Variants in HGSNAT observed in about 807,000 individuals in gnomAD.
HGSNAT encodes heparan-alpha-glucosaminide N-acetyltransferase.
In HGSNAT, 59 loss-of-function variants were observed where a neutral mutation model predicts 85.2. The ratio of observed to expected loss-of-function variants is 0.69; its 90% CI spans 0.56 to 0.86. HGSNAT has a LOEUF of 0.86. Ranked by LOEUF, HGSNAT falls within the 40% of genes least tolerant of loss-of-function variation. The pLI is 0.00. For missense variants in HGSNAT, 756 were observed against 777.1 expected (o/e 0.97, Z 0.32); for synonymous variants, 321 against 304.5 (o/e 1.05, Z -0.56).
chr8:43,161,675 G>A (rs1317778093), intron 5 of HGSNAT, among the ~76,000 whole-genome samples, 168 bp downstream of exon 5: 1 of 152,190 alleles, frequency 6.6e-6, no homozygotes, highest in Non-Finnish European at 1.5e-5. Context: ...AGACTAAGAC[G>A]TGGTCTCTGA....
chr8:43,161,413 A>C (rs768569201), intron 4 of HGSNAT, 25 bp from the exon 5 acceptor site: 1 of 1,595,768 alleles, frequency 6.3e-7, no homozygotes, highest in Non-Finnish European at 8.6e-7. Flanking sequence ...TTTGGGGGCT[A>C]ATGTGTTTTC....
intron 5 of HGSNAT, among the ~76,000 whole-genome samples, chr8:43,168,215 A>G (rs372815206): frequency 8.6e-5 from 13 of 151,782 alleles, no homozygotes; most frequent in East Asian, 7.8e-4. Flanking sequence ...CACCGCGCCC[A>G]GCCTGGATCA....
At chr8:43,160,233 T>G (rs1803228161) in intron 4 of HGSNAT, among the ~76,000 whole-genome samples, 1 of 152,188 alleles carries the variant, frequency 6.6e-6, no homozygotes, top group Non-Finnish European at 1.5e-5. Flanking sequence ...TAATTCAGGG[T>G]AACCAAAGAT....
chr8:43,191,968 G>T (rs546909690), intron 12 of HGSNAT, among the ~76,000 whole-genome samples: 6 of 151,634 alleles, frequency 4.0e-5, no homozygotes, highest in Non-Finnish European at 7.4e-5. Context: ...TTGCTCTGTC[G>T]CCCAGGCAGG....
intron 2 of HGSNAT, among the ~76,000 whole-genome samples, chr8:43,149,042 G>A (rs539460253): frequency 6.6e-6 from 1 of 151,966 alleles, no homozygotes; most frequent in East Asian, 1.9e-4. Flanking sequence ...TTTAACCCCG[G>A]GAGGCAGAGG....
intron 11 of HGSNAT, among the ~76,000 whole-genome samples, chr8:43,186,540 A>G (rs1203285378): frequency 6.7e-6 from 1 of 149,924 alleles, no homozygotes; most frequent in Non-Finnish European, 1.5e-5. Flanking sequence ...TTTCTTCTTT[A>G]TTAGTCTTGC....
At chr8:43,172,755 A>G (rs945101651) in intron 8 of HGSNAT, among the ~76,000 whole-genome samples, 4 of 152,136 alleles carry the variant, frequency 2.6e-5, no homozygotes, top group African/African-American at 9.7e-5. Context: ...GTCTTCTAGG[A>G]CTTATGGTCC....
intron 5 of HGSNAT, among the ~76,000 whole-genome samples, chr8:43,168,852 A>G (rs1210493465): frequency 1.3e-5 from 2 of 152,058 alleles, no homozygotes; most frequent in Non-Finnish European, 2.9e-5. Context: ...AGTTTTTGCT[A>G]TTTTAATTTT....
intron 2 of HGSNAT, among the ~76,000 whole-genome samples, chr8:43,151,156 A>G (rs1802904330): frequency 6.6e-6 from 1 of 152,332 alleles, no homozygotes; most frequent in East Asian, 1.9e-4. Flanking sequence ...AGTAGAGACA[A>G]ATGATAAGAT....
chr8:43,173,793 C>A, intron 9 of HGSNAT, 50 bp downstream of exon 9: 1 of 1,584,058 alleles, frequency 6.3e-7, no homozygotes, highest in Non-Finnish European at 8.6e-7. Flanking sequence ...CTCCAATCTC[C>A]TGTTTTTCAG....
chr8:43,196,441 C>G (rs1241214033), intron 14 of HGSNAT: 1 of 1,289,256 alleles, frequency 7.8e-7, no homozygotes, highest in Non-Finnish European at 1.0e-6. Context: ...GCTGCCCAGA[C>G]TGGGTCACCA....
At chr8:43,193,187 C>G (rs1804600933) in intron 13 of HGSNAT, among the ~76,000 whole-genome samples, 1 of 152,162 alleles carries the variant, frequency 6.6e-6, no homozygotes. Flanking sequence ...GTCATGAATA[C>G]TTCCAGCAGC....
chr8:43,196,429 G>C (rs1442279655), intron 14 of HGSNAT: 2 of 1,288,880 alleles, frequency 1.6e-6, no homozygotes, highest in Admixed American at 2.3e-5. Flanking sequence ...CCTCTTCCTA[G>C]TGCTGCCCAG....
chr8:43,145,713 T>C (rs187329403), intron 1 of HGSNAT, among the ~76,000 whole-genome samples: 1 of 151,768 alleles, frequency 6.6e-6, no homozygotes, highest in East Asian at 2.0e-4. Flanking sequence ...ATCGCGCCAC[T>C]GCACTCCAGC....
At chr8:43,150,642 G>A (rs902077346) in intron 2 of HGSNAT, among the ~76,000 whole-genome samples, 5 of 152,062 alleles carry the variant, frequency 3.3e-5, no homozygotes, top group Non-Finnish European at 5.9e-5. Context: ...GACCATCCTG[G>A]CCAACACGGT....
chr8:43,141,413 C>T (rs1163867470), intron 1 of HGSNAT, among the ~76,000 whole-genome samples: 1 of 152,164 alleles, frequency 6.6e-6, no homozygotes, highest in Non-Finnish European at 1.5e-5. Flanking sequence ...CGTGATTGCA[C>T]AACTGGCTTG....
At chr8:43,170,219 C>A (rs1399621071) in intron 6 of HGSNAT, among the ~76,000 whole-genome samples, 1 of 152,208 alleles carries the variant, frequency 6.6e-6, no homozygotes, top group Non-Finnish European at 1.5e-5. Context: ...CGGTGACTCA[C>A]GTCTGTAATC....
chr8:43,197,727 T>C lies in HGSNAT; in HGVS notation c.1598T>C (p.Val533Ala), dbSNP rs753773754. ...KVSENEGFIP[V>A]NKNLWSLSYV... ...TCTGAAAATGAAGGCTTTATTCCAGTAAACAAAAATCTCTGGTATGTATGG... is the reference window on the plus strand; with the variant it reads ...TCTGAAAATGAAGGCTTTATTCCAGCAAACAAAAATCTCTGGTATGTATGG... Residue 533 changes from valine to alanine, a missense_variant, in exon 16 of 18, where the codon GTA becomes GCA. Coordinates refer to ENST00000379644, the MANE Select transcript of HGSNAT (RefSeq NM_152419.3). 1 of 1,613,032 alleles carries C rather than the reference T, an allele frequency of 6.2e-7. No homozygotes were observed.
chr8:43,141,288 A>AGCCGCCGCCGCCGCCGCC (rs545919735), intron 1 of HGSNAT, among the ~76,000 whole-genome samples: 7 of 151,830 alleles, frequency 4.6e-5, no homozygotes, highest in African/African-American at 1.7e-4. Flanking sequence ...GTGACTGGGA[A>AGCCGCCGCCGCCGCCGCC]GCCGCCGCCG....
Sources: gnomAD v4.1 joint callset for allele counts (sites outside exome capture counted in the v4.1 genomes callset) on GRCh38, gnomAD v4.1.1 for gene constraint, MANE v1.5 for transcripts, NCBI Gene and HGNC (gene_info 2026-07-23, HGNC 2026-07-21) for gene names.